The following NPC1 variants were observed in gnomAD, a reference collection of about 807,000 sequenced individuals.
The protein encoded by NPC1 is Niemann-Pick C1 protein.
A neutral mutation model predicts 140.4 loss-of-function variants in NPC1; 85 were observed. That is an observed-to-expected ratio of 0.61 (90% CI 0.51 to 0.72). The LOEUF (loss-of-function observed/expected upper bound fraction) is 0.72, where lower values mean the gene tolerates loss of function less well. Ranked by LOEUF, NPC1 falls within the 30% of genes least tolerant of loss-of-function variation. The probability of loss-of-function intolerance (pLI) is 0.00; values close to 1 mark genes in which losing one functional copy is unlikely to be tolerated. For synonymous variants in NPC1, 656 were observed against 624.8 expected (o/e 1.05, Z -0.74); for missense variants, 1,504 against 1,623.8 (o/e 0.93, Z 1.27).
At chr18:23,530,117 C>T (rs370348323), downstream of NPC1, 49 of 1,614,110 alleles carry the variant, frequency 3.0e-5, no homozygotes, top group Admixed American at 1.5e-4. Context: ...ACGTCCTCAG[C>T]GACTCCAAAC....
chr18:23,509,182 A>C (rs748349260), intron 3 of NPC1: 1 of 1,285,672 alleles, frequency 7.8e-7, no homozygotes, highest in South Asian at 2.2e-5. Context: ...TTTTTAAAAA[A>C]TTTTTCTTAG....
chr18:23,561,058 T>G (rs910838016), intron 5 of NPC1, among the ~76,000 whole-genome samples: 2 of 152,334 alleles, frequency 1.3e-5, no homozygotes, highest in African/African-American at 4.8e-5. Flanking sequence ...CTCACCAAGG[T>G]TGGAGTACAA....
At chr18:23,581,384 A>G (rs2059353599) in intron 1 of NPC1, among the ~76,000 whole-genome samples, 1 of 152,210 alleles carries the variant, frequency 6.6e-6, no homozygotes, top group South Asian at 2.1e-4. Context: ...CTAAACACCA[A>G]TAATCTAGCC....
chr18:23,576,021 C>T (rs2059272344), intron 1 of NPC1, among the ~76,000 whole-genome samples: 1 of 151,918 alleles, frequency 6.6e-6, no homozygotes, highest in Non-Finnish European at 1.5e-5. Context: ...GTCAGGAGTT[C>T]GAGACCAGCC....
intron 1 of NPC1, among the ~76,000 whole-genome samples, chr18:23,576,086 G>A (rs1033072393): frequency 6.6e-6 from 1 of 151,962 alleles, no homozygotes; most frequent in African/African-American, 2.4e-5. Flanking sequence ...AGCCAGGTGT[G>A]GGGGGTGCAT....
chr18:23,541,192 A>T lies in NPC1; in HGVS notation c.2390T>A (p.Ile797Asn). 1 of 1,614,234 alleles carries T rather than the reference A, an allele frequency of 6.2e-7. No homozygotes were observed. Among genetic ancestry groups the T allele is most frequent in the Non-Finnish European group, 8.5e-7 (1 of 1,180,044 alleles). ...IKRQEKNRLD[I>N]FCCVRGAEDG... ...TTCAGCACCTCTGACACAGCAAAAG[A>T]TGTCTAGCCGATTTTTCTGAGGGGA... Residue 797 changes from isoleucine (I) to asparagine (N), a missense_variant, in exon 16 of 25, where the codon ATC (isoleucine) becomes AAC (asparagine). Ile to Asn is a moderately radical substitution (Grantham distance 149). Transcript: ENST00000269228.
intron 1 of NPC1, among the ~76,000 whole-genome samples, chr18:23,579,627 A>T (rs2059333219): frequency 6.6e-6 from 1 of 152,200 alleles, no homozygotes; most frequent in South Asian, 2.1e-4. Flanking sequence ...GCAGTGGCTC[A>T]TGCCTGTAAT....
At chr18:23,516,253 C>A in intron 3 of NPC1, 1 of 1,544,156 alleles carries the variant, frequency 6.5e-7, no homozygotes, top group Non-Finnish European at 9.0e-7. Context: ...GTTGGTTTTA[C>A]ACAGGGAATG....
chr18:23,579,174 G>A (rs1255328785), intron 1 of NPC1, among the ~76,000 whole-genome samples: 1 of 152,154 alleles, frequency 6.6e-6, no homozygotes, highest in East Asian at 1.9e-4. Flanking sequence ...CATGCCCTAG[G>A]ATCAAGCAAA....
At chr18:23,553,172 C>T (rs756339765) in intron 9 of NPC1, among the ~76,000 whole-genome samples, 4 of 152,216 alleles carry the variant, frequency 2.6e-5, no homozygotes, top group African/African-American at 4.8e-5. Context: ...GAACCACGTC[C>T]GCTTTGAGGA....
intron 3 of NPC1, chr18:23,516,141 C>A: frequency 7.4e-7 from 1 of 1,360,334 alleles, no homozygotes; most frequent in Non-Finnish European, 1.0e-6. Context: ...TCTGTATACC[C>A]GTCAGCTCCT....
chr18:23,526,101 G>T (rs550878761), downstream of NPC1, among the ~76,000 whole-genome samples: 1 of 152,292 alleles, frequency 6.6e-6, no homozygotes, highest in Non-Finnish European at 1.5e-5. Context: ...TCATTCTCCT[G>T]TGGCATCCCA....
chr18:23,569,479 C>T (rs1245040749), intron 3 of NPC1, among the ~76,000 whole-genome samples: 1 of 152,160 alleles, frequency 6.6e-6, no homozygotes, highest in Non-Finnish European at 1.5e-5. Context: ...CACACCACCA[C>T]ACCTGGCTAA....
intron 3 of NPC1, among the ~76,000 whole-genome samples, chr18:23,571,272 C>A (rs1263762947): frequency 6.6e-6 from 1 of 150,614 alleles, no homozygotes; most frequent in Non-Finnish European, 1.5e-5. Context: ...TGGTTCACAC[C>A]TATAATCCAG....
In NPC1 at chr18:23,536,721, G is replaced by T. The variant is rs772622214; in HGVS notation, c.3197C>A (p.Thr1066Asn). ...ACTGCCGTTAATGCCCATGGTTTCG[G>T]TGACATTACTGGCTATAAGTCGGGC... The part of the protein sequence containing the change: ...KKARLIASNV[T>N]ETMGINGSAY... The change falls in exon 21 of 25, where the codon ACC becomes AAC. Residue 1066 changes from threonine (T) to asparagine (N), a missense_variant. By Grantham distance (65) the Thr-to-Asn change is moderately conservative. Coordinates refer to ENST00000269228, the MANE Select transcript of NPC1 (RefSeq NM_000271.5). 2 of 1,614,182 alleles carry T rather than the reference G, an allele frequency of 1.2e-6. No individual in the cohort carries two copies. Among genetic ancestry groups the T allele is most frequent in the Admixed American group, 3.3e-5 (2 of 60,032 alleles).
At chr18:23,525,876 G>A (rs78819212), downstream of NPC1, among the ~76,000 whole-genome samples, 3,494 of 152,314 alleles carry the variant, frequency 0.023, 241 homozygotes, top group East Asian at 0.29. Flanking sequence ...AACTCTTGAG[G>A]AGAGAATTAG....
At chr18:23,517,169 G>A (rs1385466793) in intron 3 of NPC1, among the ~76,000 whole-genome samples, 1 of 146,872 alleles carries the variant, frequency 6.8e-6, no homozygotes, top group Non-Finnish European at 1.5e-5. Flanking sequence ...GTTTGTTTTT[G>A]TGATGGAGTC....
Position 23,536,755 on chromosome 18 carries a change from G to T in NPC1, c.3163C>A (p.Leu1055Met), listed in dbSNP as rs776593644. 6.2e-6 allele frequency: 10 copies of T among 1,614,074 alleles called. No individual in the cohort carries two copies. Among genetic ancestry groups the T allele is most frequent in the Non-Finnish European group, 7.6e-6 (9 of 1,180,036 alleles). The change falls in exon 21 of 25, where the codon CTG (leucine) becomes ATG (methionine). Residue 1055 changes from leucine (L) to methionine (M), a missense_variant. Transcript: ENST00000269228. Reference protein sequence around the residue: ...LQTSADFIDALKKARLIASNV... With the variant: ...LQTSADFIDAMKKARLIASNV... ...CTGGCTATAAGTCGGGCTTTCTTCA[G>T]AGCGTCAATAAAGTCAGCAGAGGTC...
downstream of NPC1, chr18:23,528,148 GTGTT>G (rs2058363114): frequency 2.6e-6 from 1 of 389,580 alleles, no homozygotes. Context: ...TTTCCCATCT[GTGTT>G]TGATCTTGCC....
Sources: allele counts gnomAD v4.1 joint callset (sites outside exome capture counted in the v4.1 genomes callset), GRCh38; gene constraint gnomAD v4.1.1; transcripts MANE v1.5; gene names NCBI Gene and HGNC (gene_info 2026-07-23, HGNC 2026-07-21).